Variants in PTER observed in about 807,000 individuals in gnomAD.
PTER encodes phosphotriesterase related.
In PTER, 38 loss-of-function variants were observed where a neutral mutation model predicts 29.6. The ratio of observed to expected loss-of-function variants is 1.28; its 90% CI spans 0.99 to 1.68. The LOEUF is 1.68. Ranked by LOEUF, PTER falls within the 40% of genes most tolerant of loss-of-function variation. PTER has a pLI of 0.00. For synonymous variants in PTER, 172 were observed against 154.5 expected (o/e 1.11, Z -0.84); for missense variants, 482 against 427.8 (o/e 1.13, Z -1.12).
Position 16,484,738 on chromosome 10 carries a change from C to T in PTER, c.354C>T (p.Gly118=), listed in dbSNP as rs561887103. 9 of 1,613,950 alleles carry T rather than the reference C, an allele frequency of 5.6e-6. No individual in the cohort carries two copies. The highest frequency in any genetic ancestry group is 6.8e-6 in the Non-Finnish European group (8 of 1,179,996). The change falls in exon 2 of 5, where the codon GGC becomes GGT. Residue 118 remains glycine (G), a synonymous_variant. Transcript: ENST00000535784. ...QTLKRLAEET[G]VHIISGAGFY... The stretch of plus-strand genomic sequence containing the variant: ...TGAAGAGGCTTGCAGAAGAGACTGG[C>T]GTCCATATCATATCTGGAGCCGGGT...
chr10:16,454,110 G>C (rs1432561180), intron 1 of PTER, among the ~76,000 whole-genome samples: 2 of 152,102 alleles, frequency 1.3e-5, no homozygotes, highest in African/African-American at 2.4e-5. Flanking sequence ...ATTTTTTTGT[G>C]AGGGAGACAA....
chr10:16,487,735 G>A (rs78255788), intron 3 of PTER, among the ~76,000 whole-genome samples: 19,310 of 152,150 alleles, frequency 0.13, 1,267 homozygotes, highest in Middle Eastern at 0.21. Context: ...GCCTTCAGTT[G>A]AATTTATTAT....
intron 1 of PTER, among the ~76,000 whole-genome samples, chr10:16,439,608 G>A (rs1057301692): frequency 6.6e-6 from 1 of 152,178 alleles, no homozygotes; most frequent in Non-Finnish European, 1.5e-5. Flanking sequence ...GAGGAGCTTG[G>A]TAAATGTCCA....
chr10:16,448,512 T>G (rs1467471753), intron 1 of PTER, among the ~76,000 whole-genome samples: 1 of 152,200 alleles, frequency 6.6e-6, no homozygotes, highest in Non-Finnish European at 1.5e-5. Flanking sequence ...GTCCTTCATC[T>G]TAAAAGGAAT....
chr10:16,449,956 C>A (rs943594115), intron 1 of PTER, among the ~76,000 whole-genome samples: 1 of 152,150 alleles, frequency 6.6e-6, no homozygotes, highest in Admixed American at 6.5e-5. Flanking sequence ...CTCTTAGAAC[C>A]TTTTCTAACA....
chr10:16,508,406 T>C (rs1175816914), intron 4 of PTER, among the ~76,000 whole-genome samples: 3 of 152,136 alleles, frequency 2.0e-5, no homozygotes, highest in Non-Finnish European at 4.4e-5. Flanking sequence ...AAATGGGAAC[T>C]TTGCACTCTG....
chr10:16,465,986 G>C (rs1213525699), intron 1 of PTER, among the ~76,000 whole-genome samples: 1 of 152,164 alleles, frequency 6.6e-6, no homozygotes, highest in Admixed American at 6.6e-5. Context: ...CCTCCCATCT[G>C]TTCCCTCCCT....
chr10:16,479,597 T>C (rs1835402665), intron 1 of PTER, among the ~76,000 whole-genome samples: 2 of 152,200 alleles, frequency 1.3e-5, no homozygotes, highest in Admixed American at 6.5e-5. Context: ...CTTCAAAAAA[T>C]AGAAGTGCTG....
At chr10:16,466,268 G>A (rs1304643683) in intron 1 of PTER, among the ~76,000 whole-genome samples, 1 of 151,504 alleles carries the variant, frequency 6.6e-6, no homozygotes, top group East Asian at 1.9e-4. Flanking sequence ...CTCCCTGCTA[G>A]TGGCTGTCAG....
intron 1 of PTER, among the ~76,000 whole-genome samples, chr10:16,443,116 G>A (rs1833902427): frequency 6.6e-6 from 1 of 152,176 alleles, no homozygotes; most frequent in African/African-American, 2.4e-5. Flanking sequence ...CAAACTGGGT[G>A]GCTTTAACAA....
chr10:16,443,113 G>C (rs187696013), intron 1 of PTER, among the ~76,000 whole-genome samples: 19 of 152,220 alleles, frequency 1.2e-4, no homozygotes, highest in Non-Finnish European at 1.9e-4. Context: ...CCACAAACTG[G>C]GTGGCTTTAA....
chr10:16,489,969 A>T (rs1283794640), intron 3 of PTER, among the ~76,000 whole-genome samples: 1 of 152,192 alleles, frequency 6.6e-6, no homozygotes, highest in Non-Finnish European at 1.5e-5. Context: ...AGAAGACAAG[A>T]CTGAGAAAGA....
At chr10:16,516,184 G>A (rs1270849262), downstream of PTER, among the ~76,000 whole-genome samples, 1 of 152,084 alleles carries the variant, frequency 6.6e-6, no homozygotes, top group African/African-American at 2.4e-5. Flanking sequence ...GTACTAACAG[G>A]CACTAATATA....
At chr10:16,473,556 TCTC>T in intron 1 of PTER, among the ~76,000 whole-genome samples, 1 of 139,790 alleles carries the variant, frequency 7.2e-6, no homozygotes, top group Middle Eastern at 4.3e-3. Context: ...AACAGTTAGT[TCTC>T]CTGTAAGCAT....
chr10:16,471,612 T>C (rs1321719275), intron 1 of PTER, among the ~76,000 whole-genome samples: 1 of 152,216 alleles, frequency 6.6e-6, no homozygotes, highest in African/African-American at 2.4e-5. Context: ...AGTTTTGTGT[T>C]TTGCTTTTTC....
chr10:16,468,372 CT>C (rs1834921566), intron 1 of PTER, among the ~76,000 whole-genome samples: 1 of 94,410 alleles, frequency 1.1e-5, no homozygotes, highest in South Asian at 4.8e-4. Context: ...AAATGTTTAG[CT>C]CTTTTTTTTT....
intron 1 of PTER, among the ~76,000 whole-genome samples, chr10:16,480,937 G>A (rs1835458853): frequency 2.0e-5 from 3 of 152,170 alleles, no homozygotes; most frequent in South Asian, 4.1e-4. Context: ...CCTATTTATC[G>A]TTTCTGGCTT....
downstream of PTER, chr10:16,513,780 A>C (rs557816376): frequency 3.3e-5 from 5 of 152,750 alleles, no homozygotes; most frequent in East Asian, 9.6e-4. Context: ...TGGACACATA[A>C]GGGCTTTTTC....
intron 3 of PTER, among the ~76,000 whole-genome samples, chr10:16,499,582 C>G (rs952988687): frequency 6.6e-6 from 1 of 151,936 alleles, no homozygotes; most frequent in East Asian, 1.9e-4. Flanking sequence ...GCTGGGACCC[C>G]GGGTGTGCAC....
Sources: allele counts gnomAD v4.1 joint callset (sites outside exome capture counted in the v4.1 genomes callset), GRCh38; gene constraint gnomAD v4.1.1; transcripts MANE v1.5; gene names NCBI Gene and HGNC (gene_info 2026-07-23, HGNC 2026-07-21).